LIFR: variants seen among roughly 807,000 people sequenced by gnomAD.
LIFR encodes LIF receptor subunit alpha, also known as leukemia inhibitory factor receptor.
LIFR carries 84 observed loss-of-function variants against 122.2 expected under a neutral mutation model. The ratio of observed to expected loss-of-function variants is 0.69; its 90% CI spans 0.58 to 0.82. LIFR has a LOEUF of 0.82. Ranked by LOEUF, LIFR falls within the 40% of genes least tolerant of loss-of-function variation. The pLI, the probability that LIFR is intolerant of heterozygous loss-of-function variation, is 0.00. For synonymous variants in LIFR, 422 were observed against 434.7 expected, an observed-to-expected ratio of 0.97 and a Z score of 0.36; for missense variants, 1,294 against 1,311.6, an observed-to-expected ratio of 0.99 and a Z score of 0.21.
At chr5:38,594,139 T>C (rs974738800) in intron 1 of LIFR, among the ~76,000 whole-genome samples, 7 of 152,172 alleles carry the variant, frequency 4.6e-5, no homozygotes, top group African/African-American at 1.7e-4. Context: ...CGCATGTTTT[T>C]TTAAATGGTG....
chr5:38,570,451 C>T (rs1749173599), intron 1 of LIFR, among the ~76,000 whole-genome samples: 1 of 152,078 alleles, frequency 6.6e-6, no homozygotes, highest in Non-Finnish European at 1.5e-5. Flanking sequence ...ATGAGCATAC[C>T]TTTAATGAGT....
chr5:38,525,508 G>C (rs1000896129), intron 4 of LIFR, among the ~76,000 whole-genome samples: 1 of 152,106 alleles, frequency 6.6e-6, no homozygotes, highest in African/African-American at 2.4e-5. Context: ...ATTAAAAATA[G>C]GTTTAACTAA....
At chr5:38,592,976 G>A (rs62352210) in intron 1 of LIFR, among the ~76,000 whole-genome samples, 9 of 151,750 alleles carry the variant, frequency 5.9e-5, no homozygotes, top group African/African-American at 1.2e-4. Flanking sequence ...AGACCGAGGC[G>A]GATAGATCAC....
At chr5:38,522,101 T>C (rs1443189760) in intron 5 of LIFR, among the ~76,000 whole-genome samples, 1 of 152,140 alleles carries the variant, frequency 6.6e-6, no homozygotes, top group African/African-American at 2.4e-5. Flanking sequence ...GAGGAAGAGA[T>C]TGCTTTCAAT....
rs1182420548 is a variant in LIFR at position 38,481,511 on chromosome 5, C to T, written c.*84G>A. ...CTCCTAACAATACTTCACAGGATCC[C>T]TCCAAGAATGCCCAGTGCTGATGTA... On this transcript the variant is annotated 3_prime_UTR_variant, in exon 20 of 20. Transcript: ENST00000453190. 7.1e-7 allele frequency: 1 copy of T among 1,400,046 alleles called. No homozygotes were observed. Among genetic ancestry groups the T allele is most frequent in the Admixed American group, 1.7e-5 (1 of 59,728 alleles). 86.7% of individuals were successfully genotyped at this position (1,400,046 alleles called of 1,614,324 possible). A position where few individuals can be genotyped will look rare whatever the true frequency, so the allele number is the denominator to read the frequency against.
At chr5:38,486,913 T>C (rs1384758198) in intron 16 of LIFR, among the ~76,000 whole-genome samples, 7 of 152,340 alleles carry the variant, frequency 4.6e-5, no homozygotes, top group South Asian at 4.1e-4. Flanking sequence ...CTAAGACACA[T>C]TGCTTGGTGT....
intron 1 of LIFR, among the ~76,000 whole-genome samples, chr5:38,555,673 T>G (rs1484934799): frequency 3.5e-5 from 5 of 143,570 alleles, no homozygotes; most frequent in Non-Finnish European, 6.1e-5. Flanking sequence ...GATACCCAAC[T>G]GCAAATAAAA....
At chr5:38,538,944 G>A (rs1262810362) in intron 1 of LIFR, among the ~76,000 whole-genome samples, 2 of 151,952 alleles carry the variant, frequency 1.3e-5, no homozygotes, top group East Asian at 1.9e-4. Context: ...CTTTCCTAGG[G>A]GCATCTCTTC....
At chr5:38,485,148 C>T (rs1744215860) in intron 17 of LIFR, among the ~76,000 whole-genome samples, 1 of 152,144 alleles carries the variant, frequency 6.6e-6, no homozygotes, top group Admixed American at 6.5e-5. Context: ...ACAGTCCTTG[C>T]ACTACTGGAA....
Position 38,592,656 on chromosome 5 carries a change from CA to C in LIFR, c.-20+2604del, listed in dbSNP as rs3079290. Among the ~76,000 whole-genome samples, 2,257 of 115,756 alleles carry C rather than the reference CA, an allele frequency of 0.019. 147 individuals carry two copies. The East Asian group carries it at 0.25, about 13-fold the overall frequency. 75.9% of individuals were successfully genotyped at this position (115,756 alleles called of 152,430 possible). Reference sequence around the variant, plus strand: ...TGGGCGACAGAGCGAGACTCCGTCTCAAAAAAAAAAAAAAAAAAAGTTACGT... The same window carrying C: ...TGGGCGACAGAGCGAGACTCCGTCTCAAAAAAAAAAAAAAAAAAGTTACGT... On this transcript the variant is annotated intron_variant, in intron 1 of 19. Transcript: ENST00000263409.
At chr5:38,519,860 A>C (rs1157184550) in intron 5 of LIFR, among the ~76,000 whole-genome samples, 2 of 152,062 alleles carry the variant, frequency 1.3e-5, no homozygotes, top group African/African-American at 2.4e-5. Context: ...CATTTTCTTT[A>C]TCCACTCATC....
At position 38,535,434 on chromosome 5, in the gene LIFR, C is replaced by T. The variant is rs532638731; in HGVS notation, c.-19-4768G>A. ...CATGTTCCATAGGCCAAATCTTACC[C>T]GCCTCTTGATTTTGTAAATCTTCCT... On this transcript the variant is annotated intron_variant, in intron 1 of 19. Coordinates refer to ENST00000453190, the MANE Select transcript of LIFR (RefSeq NM_001127671.2). Among the ~76,000 whole-genome samples, 5 of 152,268 alleles carry T rather than the reference C, an allele frequency of 3.3e-5. No individual in the cohort carries two copies. The East Asian group carries it at 5.8e-4, about 18-fold the overall frequency.
At chr5:38,603,052 C>T (rs980262476) in intron 2 of LIFR, among the ~76,000 whole-genome samples, 1 of 152,106 alleles carries the variant, frequency 6.6e-6, no homozygotes, top group African/African-American at 2.4e-5. Context: ...ACTGTGCACG[C>T]GGGCCGCCCA....
chr5:38,538,192 G>A (rs1936277280), intron 1 of LIFR, among the ~76,000 whole-genome samples: 1 of 152,178 alleles, frequency 6.6e-6, no homozygotes, highest in Admixed American at 6.5e-5. Context: ...ACTGACTTGA[G>A]ATGCCATTCA....
At position 38,475,422 on chromosome 5, in the gene LIFR, C is replaced by T. The variant is rs1743679703; in HGVS notation, c.*6173G>A. The T allele has an allele frequency of 5.0e-6, 1 of 198,186 alleles. No individual in the cohort carries two copies. The highest frequency in any genetic ancestry group is 2.3e-5 in the African/African-American group (1 of 43,422). 12.3% of individuals were successfully genotyped at this position (198,186 alleles called of 1,614,324 possible). On this transcript the variant is annotated 3_prime_UTR_variant, in exon 20 of 20. Coordinates refer to ENST00000453190, the MANE Select transcript of LIFR (RefSeq NM_001127671.2). ...TGATTTTAGGTACAGCACATCACAA[C>T]TGTTTATTCACCTTAAAAAAATGTC...
chr5:38,591,539 T>G (rs1749921705), intron 1 of LIFR, among the ~76,000 whole-genome samples: 2 of 152,212 alleles, frequency 1.3e-5, no homozygotes, highest in African/African-American at 4.8e-5. Context: ...AGAATTTGGC[T>G]TAATGACTAT....
At chr5:38,581,539 C>T (rs1749583511) in intron 1 of LIFR, among the ~76,000 whole-genome samples, 1 of 152,198 alleles carries the variant, frequency 6.6e-6, no homozygotes, top group Non-Finnish European at 1.5e-5. Flanking sequence ...TTTTCAACAG[C>T]AAGGTCTATT....
intron 1 of LIFR, among the ~76,000 whole-genome samples, chr5:38,607,083 T>C (rs182162602): frequency 1.0e-3 from 154 of 152,380 alleles, no homozygotes; most frequent in African/African-American, 3.5e-3. Context: ...TTTGTAAACA[T>C]ATTTTTTAAA....
chr5:38,484,600 T>C (rs1340912272), intron 18 of LIFR, among the ~76,000 whole-genome samples, 175 bp downstream of exon 18: 3 of 152,232 alleles, frequency 2.0e-5, no homozygotes, highest in African/African-American at 4.8e-5. Flanking sequence ...TTAAGACCTT[T>C]AAATAATATG....
Sources: gnomAD v4.1 joint callset for allele counts (sites outside exome capture counted in the v4.1 genomes callset) on GRCh38, gnomAD v4.1.1 for gene constraint, MANE v1.5 for transcripts, NCBI Gene and HGNC (gene_info 2026-07-23, HGNC 2026-07-21) for gene names.